Variants in ANO1 observed in about 807,000 individuals in gnomAD.
ANO1 encodes the protein anoctamin-1.
ANO1 carries 59 observed loss-of-function variants against 124.0 expected under a neutral mutation model. The observed-to-expected ratio is 0.48, with a 90% confidence interval of 0.39 to 0.59. The LOEUF (loss-of-function observed/expected upper bound fraction) is 0.59. Ranked by LOEUF, ANO1 falls within the 20% of genes least tolerant of loss-of-function variation. ANO1 has a pLI of 0.00. For synonymous variants in ANO1, 529 were observed against 532.0 expected (o/e 0.99, Z 0.08); for missense variants, 1,059 against 1,328.0 (o/e 0.80, Z 3.15).
intron 8 of ANO1, among the ~76,000 whole-genome samples, chr11:70,122,904 G>A (rs1421854582): frequency 6.6e-6 from 1 of 152,258 alleles, no homozygotes; most frequent in Non-Finnish European, 1.5e-5. Flanking sequence ...TGCTTTTGCA[G>A]AGGTGTGGCT....
intron 1 of ANO1, among the ~76,000 whole-genome samples, chr11:70,081,407 T>C (rs2044195868): frequency 6.6e-6 from 1 of 152,230 alleles, no homozygotes; most frequent in Non-Finnish European, 1.5e-5. Context: ...GATCTGCTTG[T>C]AGATTATGGA....
intron 2 of ANO1, among the ~76,000 whole-genome samples, chr11:70,094,925 G>A (rs1210564818): frequency 6.6e-6 from 1 of 152,076 alleles, no homozygotes; most frequent in Non-Finnish European, 1.5e-5. Context: ...GTGAATTCTG[G>A]GCTGGGTGCC....
chr11:70,101,119 A>T (rs533064549), intron 2 of ANO1, among the ~76,000 whole-genome samples: 3 of 152,118 alleles, frequency 2.0e-5, no homozygotes, highest in African/African-American at 7.2e-5. Flanking sequence ...TGGGGTGTCA[A>T]GGAGGGTCTC....
chr11:70,039,836 A>C (rs1857154994), intron 1 of ANO1, among the ~76,000 whole-genome samples: 2 of 152,238 alleles, frequency 1.3e-5, no homozygotes, highest in South Asian at 4.1e-4. Flanking sequence ...CCAAAGAGCC[A>C]GCTTTTCAGC....
At chr11:70,145,069 G>A (rs1007168358) in intron 11 of ANO1, among the ~76,000 whole-genome samples, 7 of 152,300 alleles carry the variant, frequency 4.6e-5, no homozygotes, top group South Asian at 2.1e-4. Context: ...GGCAGGAATC[G>A]GAACTCGTGT....
chr11:70,104,491 C>T (rs2045413529), intron 4 of ANO1, among the ~76,000 whole-genome samples: 3 of 152,182 alleles, frequency 2.0e-5, no homozygotes, highest in Admixed American at 2.0e-4. Context: ...GCCAACCAGG[C>T]CTCCTGCAGC....
At chr11:70,063,114 A>G (rs1555008011) in intron 1 of ANO1, among the ~76,000 whole-genome samples, 1 of 152,004 alleles carries the variant, frequency 6.6e-6, no homozygotes, top group East Asian at 1.9e-4. Flanking sequence ...ATTTTTTAGT[A>G]GAGATGGGGT....
rs1856414936 is a variant in ANO1, at chr11:70,003,013, T to C, written c.58+16847T>C. ...AAACCCAAAAACTGTCGAGGAAAAATTTTTAACTTCCACAGATTAGAAAAA... is the reference window on the plus strand; with the variant it reads ...AAACCCAAAAACTGTCGAGGAAAAACTTTTAACTTCCACAGATTAGAAAAA... On this transcript the variant is annotated intron_variant, in intron 1 of 27. Coordinates refer to the ANO1 transcript ENST00000531349. Among the ~76,000 whole-genome samples, 3 of 139,176 alleles carry C rather than the reference T, an allele frequency of 2.2e-5. No individual in the cohort carries two copies. The Admixed American group carries it at 2.4e-4, about 11-fold the overall frequency. 91.3% of individuals were successfully genotyped at this position (139,176 alleles called of 152,430 possible). A position where few individuals can be genotyped will look rare whatever the true frequency, so the allele number is the denominator to read the frequency against.
At chr11:70,110,955 G>A (rs1280963541) in intron 6 of ANO1, among the ~76,000 whole-genome samples, 1 of 152,248 alleles carries the variant, frequency 6.6e-6, no homozygotes, top group Non-Finnish European at 1.5e-5. Flanking sequence ...TGTGCCCAGT[G>A]CAGGCCCTGG....
At position 70,170,818 on chromosome 11, in the gene ANO1, G is replaced by A. The variant is rs2048436280; in HGVS notation, c.2198-69G>A. On this transcript the variant is annotated intron_variant, in intron 21 of 25. Transcript: ENST00000355303. The stretch of plus-strand genomic sequence containing the variant: ...CCAGACCTGTGCGGCTCGGCACACG[G>A]GGTGGTGGAGTCCCCCCTTATGGGC... 10 of 1,541,810 alleles carry A rather than the reference G, an allele frequency of 6.5e-6. No individual in the cohort carries two copies. The East Asian group carries it at 1.4e-4, about 22-fold the overall frequency.
At chr11:70,006,083 T>C (rs1856477468) in intron 1 of ANO1, among the ~76,000 whole-genome samples, 1 of 152,162 alleles carries the variant, frequency 6.6e-6, no homozygotes, top group Non-Finnish European at 1.5e-5. Flanking sequence ...CTTCAGCTCT[T>C]ACCTACGTGG....
chr11:70,177,766 A>T (rs2048780453), intron 22 of ANO1, among the ~76,000 whole-genome samples: 1 of 151,546 alleles, frequency 6.6e-6, no homozygotes, highest in African/African-American at 2.4e-5. Context: ...CACTCGGCTA[A>T]TTTTTGTATT....
chr11:70,073,370 G>T (rs117600157), upstream of ANO1, among the ~76,000 whole-genome samples: 1 of 152,144 alleles, frequency 6.6e-6, no homozygotes, highest in African/African-American at 2.4e-5. Flanking sequence ...AGGAGGGTGC[G>T]TCCGTCCGTG....
intron 11 of ANO1, among the ~76,000 whole-genome samples, chr11:70,142,495 G>C (rs1277004479): frequency 2.0e-5 from 3 of 152,168 alleles, no homozygotes; most frequent in African/African-American, 4.8e-5. Flanking sequence ...CATCTCTGCC[G>C]AGCACTCTCG....
rs375579993 is a variant in ANO1 at position 70,187,912 on chromosome 11, G to A, written c.2869G>A (p.Glu957Lys). 156 of 1,588,590 alleles carry A rather than the reference G, an allele frequency of 9.8e-5. 1 individual carries two copies. Among genetic ancestry groups the A allele is most frequent in the Admixed American group, 4.2e-4 (23 of 55,166 alleles). ...TWMEKERQKD[E>K]PPCNHHNTKA... ...GATGGAGAAGGAGCGGCAGAAGGAC[G>A]AGCCGCCGTGCAACCACCACAACAC... The change falls in exon 26 of 26, where the codon GAG becomes AAG. Residue 957 changes from glutamate (E) to lysine (K), a missense_variant. Coordinates refer to ENST00000355303, the MANE Select transcript of ANO1 (RefSeq NM_018043.7).
intron 1 of ANO1, among the ~76,000 whole-genome samples, chr11:70,055,861 G>A (rs551919869): frequency 2.8e-4 from 43 of 151,974 alleles, no homozygotes; most frequent in African/African-American, 1.0e-3. Flanking sequence ...CACTAGAATT[G>A]CCACATGCAT....
At chr11:70,118,904 G>A (rs1292339387) in intron 8 of ANO1, among the ~76,000 whole-genome samples, 3 of 149,688 alleles carry the variant, frequency 2.0e-5, no homozygotes, top group Admixed American at 6.7e-5. Flanking sequence ...GTGGATGGAT[G>A]CATGCTGGAG....
rs528587612 is a variant in ANO1 at position 70,111,033 on chromosome 11, G to A, written c.800-674G>A. 1.1e-3 allele frequency: 456 copies of A among 429,032 alleles called. 8 individuals are homozygous for A. Among genetic ancestry groups the A allele is most frequent in the South Asian group, 6.2e-3 (380 of 61,400 alleles). 26.6% of individuals were successfully genotyped at this position (429,032 alleles called of 1,614,324 possible). A position where few individuals can be genotyped will look rare whatever the true frequency, so the allele number is the denominator to read the frequency against. On this transcript the variant is annotated intron_variant, in intron 6 of 25. Coordinates refer to ENST00000355303, the MANE Select transcript of ANO1 (RefSeq NM_018043.7). ...AGGAGCACTGGACGGCTGTGAGTCC[G>A]CCAGAATCACTGGCCACTGACGCTT...
intron 1 of ANO1, among the ~76,000 whole-genome samples, chr11:70,069,341 C>T (rs1248767709): frequency 6.6e-6 from 1 of 152,180 alleles, no homozygotes; most frequent in Non-Finnish European, 1.5e-5. Context: ...TGGAAGGAAA[C>T]AGGAACAGAG....
Sources: allele counts gnomAD v4.1 joint callset (sites outside exome capture counted in the v4.1 genomes callset), GRCh38; gene constraint gnomAD v4.1.1; transcripts MANE v1.5; gene names NCBI Gene and HGNC (gene_info 2026-07-23, HGNC 2026-07-21).